The following RUFY3 variants were observed in gnomAD, a reference collection of about 807,000 sequenced individuals.
The protein encoded by RUFY3 is RUN and FYVE domain containing 3, also known as protein RUFY3.
In RUFY3, 34 loss-of-function variants were observed where a neutral mutation model predicts 84.0. The observed-to-expected ratio is 0.40, with a 90% CI of 0.31 to 0.54. RUFY3 has a LOEUF of 0.54. Ranked by LOEUF, RUFY3 falls within the 20% of genes least tolerant of loss-of-function variation. The pLI, the probability that RUFY3 is intolerant of heterozygous loss-of-function variation, is 0.39. For missense variants in RUFY3, 507 were observed against 736.8 expected (o/e 0.69, Z 3.61); for synonymous variants, 242 against 252.9 (o/e 0.96, Z 0.41).
intron 1 of RUFY3, among the ~76,000 whole-genome samples, chr4:70,728,373 C>A (rs1399230457): frequency 6.6e-6 from 1 of 152,188 alleles, no homozygotes; most frequent in East Asian, 1.9e-4. Flanking sequence ...GAGAGAGGAT[C>A]ACCTGGCGTA....
chr4:70,709,632 T>C (rs904043718), intron 1 of RUFY3, among the ~76,000 whole-genome samples: 6 of 152,244 alleles, frequency 3.9e-5, no homozygotes, highest in African/African-American at 1.4e-4. Context: ...CTTTTAATGC[T>C]TTCCTTTTCC....
At chr4:70,774,220 A>G (rs1051286002) in intron 6 of RUFY3, among the ~76,000 whole-genome samples, 2 of 152,116 alleles carry the variant, frequency 1.3e-5, no homozygotes, top group African/African-American at 4.8e-5. Flanking sequence ...TTTATCTTAC[A>G]GCTGAAAAAT....
At chr4:70,770,370 T>G (rs1258754391) in intron 5 of RUFY3, among the ~76,000 whole-genome samples, 1 of 152,256 alleles carries the variant, frequency 6.6e-6, no homozygotes, top group Admixed American at 6.5e-5. Flanking sequence ...AATCTGTTGT[T>G]GAGTGTATCC....
intron 1 of RUFY3, among the ~76,000 whole-genome samples, chr4:70,724,212 G>A (rs751653014): frequency 2.0e-5 from 3 of 152,058 alleles, no homozygotes; most frequent in Non-Finnish European, 2.9e-5. Flanking sequence ...AGCCTCCAAA[G>A]CTTTAAAAGT....
intron 1 of RUFY3, among the ~76,000 whole-genome samples, chr4:70,726,031 C>T (rs1468409078): frequency 6.6e-6 from 1 of 152,222 alleles, no homozygotes. Context: ...GGAATGATCA[C>T]TCTGGCAACA....
At chr4:70,774,652 T>G (rs868218329) in intron 6 of RUFY3, among the ~76,000 whole-genome samples, 3 of 109,242 alleles carry the variant, frequency 2.7e-5, no homozygotes, top group African/African-American at 1.2e-4. Context: ...AAAATATATA[T>G]ATATATATAT....
chr4:70,800,089 C>G (rs1732031961), intron 14 of RUFY3, 52 bp from the exon 15 acceptor site: 1 of 1,520,406 alleles, frequency 6.6e-7, no homozygotes, highest in Non-Finnish European at 9.0e-7. Context: ...TTTGCAATAT[C>G]ATTATTTAGC....
At chr4:70,789,424 T>G (rs1730448906) in intron 11 of RUFY3, 71 bp from the exon 12 acceptor site, 1 of 1,354,406 alleles carries the variant, frequency 7.4e-7, no homozygotes, top group Non-Finnish European at 1.0e-6. Flanking sequence ...ACCATTAGAT[T>G]CAAAAGGCAT....
At chr4:70,792,422 A>G (rs2148803749) in intron 12 of RUFY3, 1 of 983,672 alleles carries the variant, frequency 1.0e-6, no homozygotes, top group South Asian at 4.7e-5. Flanking sequence ...ATCCACAAGC[A>G]ATATTAGCAG....
rs1553916772 is a variant in RUFY3 at position 70,774,644 on chromosome 4, A to AATATATATATAT, written c.759-508_759-497dup. ...AAAAAAAAAAAAAAAAAAAAAAAAA[A>AATATATATATAT]ATATATATATATATATATATATATA... On this transcript the variant is annotated intron_variant, in intron 6 of 17. Transcript: ENST00000381006. 3.7e-3 allele frequency among the ~76,000 whole-genome samples: 209 copies of AATATATATATAT among 56,636 alleles called. 2 individuals carry two copies. The highest frequency in any genetic ancestry group is 6.4e-3 in the East Asian group (10 of 1,558). The allele number at this position is 56,636 out of a possible 152,430, so 37.2% of individuals were successfully genotyped here.
intron 12 of RUFY3, chr4:70,791,368 T>C: frequency 6.3e-7 from 1 of 1,596,086 alleles, no homozygotes; most frequent in East Asian, 2.2e-5. Context: ...ATCTGAAAGT[T>C]ACTACATTTA....
chr4:70,782,824 A>G (rs1729167944), intron 8 of RUFY3, among the ~76,000 whole-genome samples: 1 of 152,102 alleles, frequency 6.6e-6, no homozygotes, highest in African/African-American at 2.4e-5. Flanking sequence ...AAGGCATGAG[A>G]ATCACTTGAA....
At chr4:70,739,132 A>G (rs960337752) in intron 1 of RUFY3, among the ~76,000 whole-genome samples, 1 of 151,886 alleles carries the variant, frequency 6.6e-6, no homozygotes, top group Non-Finnish European at 1.5e-5. Context: ...CCTTGGCCCA[A>G]ATTACTGGTT....
chr4:70,765,758 CTTTT>C (rs371482787), intron 4 of RUFY3, among the ~76,000 whole-genome samples: 1 of 139,874 alleles, frequency 7.1e-6, no homozygotes, highest in Admixed American at 7.3e-5. Flanking sequence ...TTGTTAATAT[CTTTT>C]TTTTTTTTTT....
intron 1 of RUFY3, among the ~76,000 whole-genome samples, chr4:70,714,612 G>C (rs1741365927): frequency 6.6e-6 from 1 of 152,224 alleles, no homozygotes; most frequent in South Asian, 2.1e-4. Context: ...AGTGAAACAT[G>C]AGGGTGGAAA....
chr4:70,766,279 C>T (rs1006868221), intron 4 of RUFY3, among the ~76,000 whole-genome samples: 1 of 152,190 alleles, frequency 6.6e-6, no homozygotes, highest in African/African-American at 2.4e-5. Context: ...GACTCGCGCT[C>T]TGTCACCCAG....
Position 70,768,669 on chromosome 4 carries a change from A to G in RUFY3, c.696+8A>G. 6.2e-7 allele frequency: 1 copy of G among 1,612,948 alleles called. No individual in the cohort carries two copies. The highest frequency in any genetic ancestry group is 1.7e-5 in the Admixed American group (1 of 59,762). On this transcript the variant is annotated splice_region_variant and intron_variant, in intron 5 of 17. Transcript: ENST00000381006. ...GAAGACTTGGACTCTCAGGTATGGGAAAGAGACTCATTCCCATGGGTGTCA... is the reference window on the plus strand; with the variant it reads ...GAAGACTTGGACTCTCAGGTATGGGGAAGAGACTCATTCCCATGGGTGTCA...
At position 70,806,694 on chromosome 4, in the gene RUFY3, G is replaced by T. The variant is rs1207334714; in HGVS notation, c.*35G>T. The stretch of plus-strand genomic sequence containing the variant: ...CCAAGACCTGGACCAAAACGTTTAT[G>T]CAGGCTCCTCTGTACCTGTGTTTTA... On this transcript the variant is annotated 3_prime_UTR_variant, in exon 18 of 18. Transcript: ENST00000381006. The T allele has an allele frequency of 6.2e-7, 1 of 1,612,886 alleles. No homozygotes were observed. Among genetic ancestry groups the T allele is most frequent in the East Asian group, 2.2e-5 (1 of 44,870 alleles).
intron 1 of RUFY3, among the ~76,000 whole-genome samples, chr4:70,728,880 T>TC (rs2148605972): frequency 6.6e-6 from 1 of 151,390 alleles, no homozygotes; most frequent in Non-Finnish European, 1.5e-5. Context: ...TTTGGATATT[T>TC]CTTTTTTTTT....
Sources: allele counts gnomAD v4.1 joint callset (sites outside exome capture counted in the v4.1 genomes callset), GRCh38; gene constraint gnomAD v4.1.1; transcripts MANE v1.5; gene names NCBI Gene and HGNC (gene_info 2026-07-23, HGNC 2026-07-21).